Variants in TTC7A observed in about 807,000 individuals in gnomAD.
The protein encoded by TTC7A is tetratricopeptide repeat domain 7A, also known as tetratricopeptide repeat protein 7A.
A neutral mutation model predicts 103.7 loss-of-function variants in TTC7A; 110 were observed. The ratio of observed to expected loss-of-function variants is 1.06; its 90% CI spans 0.91 to 1.24. The LOEUF is 1.24. Ranked by LOEUF, TTC7A falls within the 50% of genes most tolerant of loss-of-function variation. TTC7A has a pLI of 0.00. For missense variants in TTC7A, 1,340 were observed against 1,116.3 expected (o/e 1.20, Z -2.86); for synonymous variants, 521 against 467.9 (o/e 1.11, Z -1.47).
chr2:47,053,002 A>G (rs1573040219), intron 18 of TTC7A, among the ~76,000 whole-genome samples: 1 of 152,160 alleles, frequency 6.6e-6, no homozygotes, highest in Non-Finnish European at 1.5e-5. Flanking sequence ...TTCCCACTGC[A>G]TGTTCCTCAC....
chr2:46,994,132 AGAT>A, intron 6 of TTC7A: 1 of 539,060 alleles, frequency 1.9e-6, no homozygotes, highest in Non-Finnish European at 3.3e-6. Context: ...AGAAGAGAAA[AGAT>A]GAGGTAGGAG....
intron 16 of TTC7A, chr2:47,046,828 G>A (rs900974095): frequency 4.3e-5 from 10 of 231,412 alleles, no homozygotes; most frequent in South Asian, 1.8e-4. Flanking sequence ...AGAATCACTC[G>A]CCTGGTAAGT....
intron 12 of TTC7A, among the ~76,000 whole-genome samples, chr2:47,023,144 C>T (rs752728313): frequency 2.6e-5 from 4 of 152,168 alleles, no homozygotes; most frequent in African/African-American, 7.2e-5. Flanking sequence ...GTGCCCATGT[C>T]GTGGAATGCT....
chr2:46,964,423 C>A (rs1004326469), intron 3 of TTC7A, among the ~76,000 whole-genome samples: 11 of 152,138 alleles, frequency 7.2e-5, no homozygotes, highest in Admixed American at 2.0e-4. Flanking sequence ...GAGCGGAGAG[C>A]CCACAGTAAG....
At position 46,941,771 on chromosome 2, in the gene TTC7A, C is replaced by T; in HGVS notation, c.184+46C>T. 12 of 1,545,620 alleles carry T rather than the reference C, an allele frequency of 7.8e-6. No homozygotes were observed. The highest frequency in any genetic ancestry group is 9.6e-6 in the Non-Finnish European group (11 of 1,144,838). On this transcript the variant is annotated intron_variant, in intron 1 of 19. Transcript: ENST00000319190. The surrounding 1 kb of genome is among the most constrained non-coding windows in gnomAD (Gnocchi z 4.2). ...GCTCGCCGGCAGCGAGCGCGCGAAA[C>T]GCACCGCCTCCTCCAGGAAGCGCGC... is the stretch of plus-strand genomic sequence containing the variant.
intron 14 of TTC7A, among the ~76,000 whole-genome samples, chr2:47,027,736 C>T (rs1680070648): frequency 6.6e-6 from 1 of 152,096 alleles, no homozygotes; most frequent in Non-Finnish European, 1.5e-5. Flanking sequence ...TGCAGGGGTG[C>T]CCAGCAGGGT....
intron 2 of TTC7A, among the ~76,000 whole-genome samples, chr2:46,951,207 G>A (rs775392431): frequency 2.2e-4 from 34 of 152,062 alleles, no homozygotes; most frequent in Non-Finnish European, 4.1e-4. Context: ...CTCCCTCCCA[G>A]AAGGAGTATG....
chr2:46,925,522 C>T (rs1224528403), intron 2 of TTC7A, among the ~76,000 whole-genome samples: 1 of 152,128 alleles, frequency 6.6e-6, no homozygotes, highest in Non-Finnish European at 1.5e-5. Context: ...TACACCACTG[C>T]ACTCCAGCCT....
At chr2:47,039,865 C>T (rs1256328522) in intron 15 of TTC7A, among the ~76,000 whole-genome samples, 3 of 152,170 alleles carry the variant, frequency 2.0e-5, no homozygotes, top group Admixed American at 6.5e-5. Context: ...CATTTTCTAA[C>T]GGGGAACAGA....
intron 8 of TTC7A, among the ~76,000 whole-genome samples, chr2:47,003,134 A>C (rs533933957): frequency 2.0e-5 from 3 of 152,314 alleles, no homozygotes; most frequent in African/African-American, 7.2e-5. Flanking sequence ...TAGGGTGGAC[A>C]GGGGGAGGTT....
intron 5 of TTC7A, among the ~76,000 whole-genome samples, chr2:46,980,417 G>T (rs1050734824): frequency 6.6e-6 from 1 of 151,928 alleles, no homozygotes; most frequent in Non-Finnish European, 1.5e-5. Flanking sequence ...GCATTTTGTT[G>T]CCCAGGCTGG....
intron 16 of TTC7A, among the ~76,000 whole-genome samples, chr2:47,048,450 C>T (rs1462299675): frequency 7.2e-5 from 11 of 152,164 alleles, no homozygotes; most frequent in Non-Finnish European, 1.6e-4. Context: ...CTCATTTGCT[C>T]CCCACGACCA....
chr2:47,024,628 A>G (rs533054115), intron 14 of TTC7A, among the ~76,000 whole-genome samples: 1 of 152,086 alleles, frequency 6.6e-6, no homozygotes, highest in South Asian at 2.1e-4. Flanking sequence ...TGAGATGTTG[A>G]TGAGTGACCA....
rs889061431 is a variant in TTC7A, at chr2:46,989,752, A to G, written c.765-3698A>G. Among the ~76,000 whole-genome samples the G allele has an allele frequency of 3.3e-5, 5 of 152,176 alleles. No homozygotes were observed. In the East Asian group the frequency reaches 7.7e-4, roughly 23 times the overall value. ...TAGAGTAAAAAGACACAGCTTTTAGATACAGAATCTTAAGATGCATAATGT... is the reference window on the plus strand; with the variant it reads ...TAGAGTAAAAAGACACAGCTTTTAGGTACAGAATCTTAAGATGCATAATGT... On this transcript the variant is annotated intron_variant, in intron 5 of 19. Transcript: ENST00000319190.
rs543063995 is a variant in TTC7A, at chr2:47,060,241, G to A, written c.2153-528G>A. Among the ~76,000 whole-genome samples the A allele has an allele frequency of 2.4e-4, 36 of 152,172 alleles. No individual in the cohort carries two copies. The South Asian group carries it at 6.9e-3, about 29-fold the overall frequency. On this transcript the variant is annotated intron_variant, in intron 18 of 19. Transcript: ENST00000319190. ...AAAAATTAGCCAGGCGTGGTGGTGCGTGCCTGTAACCCCAGCTACTCAGGA... is the reference window on the plus strand; with the variant it reads ...AAAAATTAGCCAGGCGTGGTGGTGCATGCCTGTAACCCCAGCTACTCAGGA...
intron 2 of TTC7A, among the ~76,000 whole-genome samples, chr2:46,923,794 G>A (rs1056888093): frequency 7.9e-5 from 12 of 151,916 alleles, no homozygotes; most frequent in South Asian, 6.2e-4. Context: ...GTGCAATGGC[G>A]CCATCTCAGC....
At chr2:46,974,341 C>T (rs1210212614) in intron 3 of TTC7A, among the ~76,000 whole-genome samples, 1 of 152,240 alleles carries the variant, frequency 6.6e-6, no homozygotes, top group African/African-American at 2.4e-5. Flanking sequence ...GGTGCCTTAC[C>T]TACCAGGTGG....
chr2:46,952,440 A>T (rs189059879), intron 2 of TTC7A, among the ~76,000 whole-genome samples: 3 of 152,332 alleles, frequency 2.0e-5, no homozygotes, highest in Admixed American at 2.0e-4. Flanking sequence ...CCAGTCAACA[A>T]ATAAGTAATT....
intron 2 of TTC7A, among the ~76,000 whole-genome samples, chr2:46,919,533 CTAAA>C (rs1248555311): frequency 6.6e-6 from 1 of 152,204 alleles, no homozygotes; most frequent in African/African-American, 2.4e-5. Context: ...AACTCTGTCT[CTAAA>C]TAAATAAATA....
Sources: allele counts gnomAD v4.1 joint callset (sites outside exome capture counted in the v4.1 genomes callset), GRCh38; gene constraint gnomAD v4.1.1; non-coding constraint Gnocchi (gnomAD v3.1); transcripts MANE v1.5; gene names NCBI Gene and HGNC (gene_info 2026-07-23, HGNC 2026-07-21).